SLCO6A1: variants seen among roughly 807,000 people sequenced by gnomAD.
The protein encoded by SLCO6A1 is cancer/testis antigen 48.
A neutral mutation model predicts 72.7 loss-of-function variants in SLCO6A1; 65 were observed. The ratio of observed to expected loss-of-function variants is 0.89; its 90% confidence interval spans 0.73 to 1.10. The LOEUF (loss-of-function observed/expected upper bound fraction) is 1.10. Ranked by LOEUF, SLCO6A1 falls within the 50% of genes least tolerant of loss-of-function variation. SLCO6A1 has a pLI of 0.00. For missense variants in SLCO6A1, 874 were observed against 872.6 expected (o/e 1.00, Z -0.02); for synonymous variants, 314 against 298.2 (o/e 1.05, Z -0.55).
In SLCO6A1 at chr5:102,388,829, T is replaced by C; in HGVS notation, c.1880-4A>G. The stretch of plus-strand genomic sequence containing the variant: ...ATTGATGGTCCAGGAATAGTCCCTA[T>C]GAAAAATGCAATGATTGTAAATTCT... On this transcript the variant is annotated splice_polypyrimidine_tract_variant and splice_region_variant and intron_variant, in intron 11 of 13. Transcript: ENST00000506729. 3 of 1,589,382 alleles carry C rather than the reference T, an allele frequency of 1.9e-6. No homozygotes were observed. The highest frequency in any genetic ancestry group is 2.6e-6 in the Non-Finnish European group (3 of 1,173,256).
chr5:102,389,440 A>ACCCCCCCCC (rs1405717636), intron 11 of SLCO6A1, among the ~76,000 whole-genome samples: 11 of 52,912 alleles, frequency 2.1e-4, no homozygotes, highest in Middle Eastern at 7.5e-3. Flanking sequence ...ACAGTCACAC[A>ACCCCCCCCC]CCCCGCCCCC....
At chr5:102,413,236 T>C (rs947577607) in intron 8 of SLCO6A1, 93 bp from the exon 9 acceptor site, 1 of 1,235,962 alleles carries the variant, frequency 8.1e-7, no homozygotes. Context: ...TAAAATATGC[T>C]TATTGAAATA....
intron 12 of SLCO6A1, among the ~76,000 whole-genome samples, chr5:102,387,049 C>T (rs1746457070): frequency 6.6e-6 from 1 of 152,110 alleles, no homozygotes; most frequent in South Asian, 2.1e-4. Context: ...TCTAGCTCTC[C>T]TGAAGGTATT....
chr5:102,399,701 A>T lies in SLCO6A1; in HGVS notation c.1668T>A (p.Thr556=). 6.3e-7 allele frequency: 1 copy of T among 1,594,544 alleles called. No homozygotes were observed. Among genetic ancestry groups the T allele is most frequent in the Non-Finnish European group, 8.6e-7 (1 of 1,167,612 alleles). The change falls in exon 10 of 14, where the codon ACT becomes ACA. Residue 556 remains threonine (T), a synonymous_variant. Transcript: ENST00000506729. ...NCSCIKEGLI[T]ADAEGDFIDA... ...CAATAAAATCACCTTCTGCATCTGC[A>T]GTTATTAATCCTTCTTTAATGCAAG... is the stretch of plus-strand genomic sequence containing the variant.
intron 4 of SLCO6A1, among the ~76,000 whole-genome samples, chr5:102,465,216 T>C (rs546423878): frequency 1.3e-5 from 2 of 152,288 alleles, no homozygotes; most frequent in South Asian, 4.1e-4. Flanking sequence ...GCAGGAACTT[T>C]ATGCTTGGCC....
chr5:102,482,012 A>T (rs1325117678), intron 1 of SLCO6A1, among the ~76,000 whole-genome samples: 1 of 152,172 alleles, frequency 6.6e-6, no homozygotes, highest in African/African-American at 2.4e-5. Context: ...CAACATATAA[A>T]AACTTTGCTG....
At chr5:102,438,817 TAGAC>T (rs1440711465) in intron 6 of SLCO6A1, 56 bp from the exon 7 acceptor site, 10 of 1,273,088 alleles carry the variant, frequency 7.9e-6, no homozygotes, top group Non-Finnish European at 1.0e-5. Flanking sequence ...TAAAGAGGAA[TAGAC>T]AGAACCAAAT....
At chr5:102,393,572 T>C (rs1746891738) in intron 10 of SLCO6A1, among the ~76,000 whole-genome samples, 1 of 152,204 alleles carries the variant, frequency 6.6e-6, no homozygotes, top group Non-Finnish European at 1.5e-5. Context: ...CATTGTGTTT[T>C]TCTATTTTGT....
At chr5:102,397,763 C>T (rs962674162) in intron 10 of SLCO6A1, among the ~76,000 whole-genome samples, 2 of 152,140 alleles carry the variant, frequency 1.3e-5, no homozygotes, top group African/African-American at 2.4e-5. Context: ...TCTTCTGAAC[C>T]TACAAGCTGG....
chr5:102,394,997 T>G (rs979764006), intron 10 of SLCO6A1, among the ~76,000 whole-genome samples: 10 of 152,190 alleles, frequency 6.6e-5, no homozygotes, highest in Admixed American at 2.6e-4. Flanking sequence ...TACTTACTAT[T>G]TGTTTATAAG....
intron 12 of SLCO6A1, among the ~76,000 whole-genome samples, chr5:102,377,180 A>G (rs1371627652): frequency 6.6e-6 from 1 of 152,158 alleles, no homozygotes; most frequent in African/African-American, 2.4e-5. Context: ...ATATATACAC[A>G]GAAGCCTCAT....
chr5:102,425,297 G>A (rs1422116671), intron 7 of SLCO6A1, among the ~76,000 whole-genome samples: 8 of 152,056 alleles, frequency 5.3e-5, no homozygotes, highest in African/African-American at 1.7e-4. Context: ...AAGAAATAAA[G>A]CGTATTCAAA....
intron 1 of SLCO6A1, among the ~76,000 whole-genome samples, chr5:102,496,524 ACC>A (rs1752917837): frequency 6.6e-6 from 1 of 152,172 alleles, no homozygotes; most frequent in East Asian, 1.9e-4. Context: ...GCTCCTCATT[ACC>A]CACCTAATAA....
intron 6 of SLCO6A1, among the ~76,000 whole-genome samples, chr5:102,452,951 G>A (rs759849113): frequency 6.6e-6 from 1 of 152,084 alleles, no homozygotes; most frequent in Non-Finnish European, 1.5e-5. Flanking sequence ...GAACCATGAG[G>A]GATAGAACTA....
At chr5:102,479,633 A>G (rs1752084995) in intron 2 of SLCO6A1, among the ~76,000 whole-genome samples, 1 of 151,900 alleles carries the variant, frequency 6.6e-6, no homozygotes, top group Non-Finnish European at 1.5e-5. Flanking sequence ...TTCTTTCACT[A>G]TCATTTAAAT....
intron 10 of SLCO6A1, among the ~76,000 whole-genome samples, chr5:102,398,280 C>T (rs573442018): frequency 2.6e-5 from 4 of 152,094 alleles, no homozygotes; most frequent in Admixed American, 6.5e-5. Context: ...CGAGTTCAAG[C>T]GATTCTCCTG....
intron 3 of SLCO6A1, among the ~76,000 whole-genome samples, chr5:102,476,272 C>T (rs763734258): frequency 6.6e-6 from 1 of 152,006 alleles, no homozygotes; most frequent in Non-Finnish European, 1.5e-5. Context: ...AGAGAACAGA[C>T]AGATTCATTT....
chr5:102,415,181 A>G (rs557871544), intron 8 of SLCO6A1, among the ~76,000 whole-genome samples: 1 of 152,276 alleles, frequency 6.6e-6, no homozygotes, highest in African/African-American at 2.4e-5. Flanking sequence ...AAATATCAGC[A>G]TCATTTTTAT....
At chr5:102,403,755 GATT>G (rs1682201001) in intron 9 of SLCO6A1, among the ~76,000 whole-genome samples, 1 of 152,084 alleles carries the variant, frequency 6.6e-6, no homozygotes, top group African/African-American at 2.4e-5. Context: ...ACATTTTAAT[GATT>G]ATTCATCTGA....
Sources: gnomAD v4.1 joint callset for allele counts (sites outside exome capture counted in the v4.1 genomes callset) on GRCh38, gnomAD v4.1.1 for gene constraint, MANE v1.5 for transcripts, NCBI Gene and HGNC (gene_info 2026-07-23, HGNC 2026-07-21) for gene names.